Variants in LDLRAD3 observed in about 807,000 individuals in gnomAD.
LDLRAD3 encodes low density lipoprotein receptor class A domain containing 3, also known as low-density lipoprotein receptor class A domain-containing protein 3.
Under a neutral mutation model 29.4 loss-of-function variants are expected in LDLRAD3, and 20 were observed. That is an observed-to-expected ratio of 0.68 (90% CI 0.48 to 0.99). The LOEUF (loss-of-function observed/expected upper bound fraction) is 0.99, where lower values mean the gene tolerates loss of function less well. Ranked by LOEUF, LDLRAD3 falls within the 50% of genes least tolerant of loss-of-function variation. LDLRAD3 has a pLI of 0.00. For synonymous variants in LDLRAD3, 157 were observed against 192.7 expected, an observed-to-expected ratio of 0.81 and a Z score of 1.53; for missense variants, 420 against 454.3, an observed-to-expected ratio of 0.92 and a Z score of 0.69.
At chr11:36,090,251 T>G (rs1853260369) in intron 3 of LDLRAD3, among the ~76,000 whole-genome samples, 1 of 152,156 alleles carries the variant, frequency 6.6e-6, no homozygotes, top group Non-Finnish European at 1.5e-5. Flanking sequence ...CAGTTGATAA[T>G]GAGCAGATGC....
chr11:36,087,242 A>T (rs2133262619), intron 3 of LDLRAD3, among the ~76,000 whole-genome samples: 1 of 152,378 alleles, frequency 6.6e-6, no homozygotes, highest in African/African-American at 2.4e-5. Flanking sequence ...CATACAAATC[A>T]ACTATTAAAA....
intron 4 of LDLRAD3, among the ~76,000 whole-genome samples, chr11:36,206,048 T>C (rs1855203097): frequency 6.6e-6 from 1 of 152,186 alleles, no homozygotes; most frequent in Non-Finnish European, 1.5e-5. Flanking sequence ...CCCTCAACTT[T>C]TGGTCTGGAG....
chr11:36,110,473 C>T (rs1361550567), intron 4 of LDLRAD3, among the ~76,000 whole-genome samples: 1 of 152,128 alleles, frequency 6.6e-6, no homozygotes, highest in Non-Finnish European at 1.5e-5. Flanking sequence ...GTAGGGCTTG[C>T]TGTCTCTCTG....
intron 1 of LDLRAD3, among the ~76,000 whole-genome samples, chr11:35,960,995 G>C (rs1015278223): frequency 6.6e-6 from 1 of 152,204 alleles, no homozygotes; most frequent in Non-Finnish European, 1.5e-5. Flanking sequence ...ATAATGGATG[G>C]GGAACCCCAA....
intron 4 of LDLRAD3, among the ~76,000 whole-genome samples, chr11:36,172,959 G>A (rs918218326): frequency 5.9e-5 from 9 of 152,104 alleles, no homozygotes; most frequent in Non-Finnish European, 1.2e-4. Flanking sequence ...TCCGTGCCTG[G>A]ACTTTTTTGG....
intron 1 of LDLRAD3, among the ~76,000 whole-genome samples, chr11:35,987,288 C>A (rs1317040954): frequency 6.6e-6 from 1 of 152,082 alleles, no homozygotes. Flanking sequence ...ACAGGGGATA[C>A]CTGTGCAGGT....
At chr11:35,961,764 T>G (rs1851280673) in intron 1 of LDLRAD3, among the ~76,000 whole-genome samples, 1 of 152,194 alleles carries the variant, frequency 6.6e-6, no homozygotes, top group African/African-American at 2.4e-5. Flanking sequence ...TTTAAAATTT[T>G]TGTGTGTACA....
intron 2 of LDLRAD3, among the ~76,000 whole-genome samples, chr11:36,055,095 G>A (rs1416202187): frequency 1.1e-4 from 1 of 8,756 alleles, no homozygotes; most frequent in Non-Finnish European, 1.8e-4. Context: ...GGATGGATGT[G>A]TGGATGGATC....
rs573143229 is a variant in LDLRAD3 at position 35,982,712 on chromosome 11, G to T, written c.46+38568G>T. On this transcript the variant is annotated intron_variant, in intron 1 of 5. Transcript: ENST00000315571. ...TTCCTCTCTTCCCATGCATGTTGTTGTGCAGCTTGAAGACAGCTCAGCTCT... is the reference window on the plus strand; with the variant it reads ...TTCCTCTCTTCCCATGCATGTTGTTTTGCAGCTTGAAGACAGCTCAGCTCT... Among the ~76,000 whole-genome samples, 10 of 152,190 alleles carry T rather than the reference G, an allele frequency of 6.6e-5. No homozygotes were observed. The South Asian group carries it at 1.9e-3, about 28-fold the overall frequency.
At chr11:36,212,370 A>AT (rs1225563863) in intron 4 of LDLRAD3, among the ~76,000 whole-genome samples, 11 of 152,036 alleles carry the variant, frequency 7.2e-5, no homozygotes, top group Middle Eastern at 3.2e-3. Flanking sequence ...CCTACCCCTC[A>AT]TTTTCACTGC....
chr11:36,166,269 A>C (rs1259857104), intron 4 of LDLRAD3, among the ~76,000 whole-genome samples: 2 of 152,242 alleles, frequency 1.3e-5, no homozygotes, highest in Non-Finnish European at 2.9e-5. Context: ...CTCCATGTCA[A>C]CATGAGTTAC....
At chr11:36,225,663 G>A (rs1235681553) in intron 4 of LDLRAD3, among the ~76,000 whole-genome samples, 1 of 152,012 alleles carries the variant, frequency 6.6e-6, no homozygotes, top group Non-Finnish European at 1.5e-5. Flanking sequence ...AAACTGTGTG[G>A]CCTTGGTCAG....
At chr11:35,958,526 G>A (rs1590683524) in intron 1 of LDLRAD3, among the ~76,000 whole-genome samples, 1 of 152,160 alleles carries the variant, frequency 6.6e-6, no homozygotes, top group South Asian at 2.1e-4. Flanking sequence ...CAGTCACCTC[G>A]AAGAATTGAC....
intron 1 of LDLRAD3, among the ~76,000 whole-genome samples, chr11:36,011,375 G>A (rs115235255): frequency 6.6e-6 from 1 of 152,098 alleles, no homozygotes; most frequent in Non-Finnish European, 1.5e-5. Flanking sequence ...GATAGGCAGC[G>A]GGTATCTATT....
chr11:36,024,243 A>G (rs1475037721), intron 1 of LDLRAD3, among the ~76,000 whole-genome samples: 2 of 152,208 alleles, frequency 1.3e-5, no homozygotes, highest in African/African-American at 2.4e-5. Flanking sequence ...CCCCAAGTAT[A>G]TACCACCTGC....
Position 36,229,453 on chromosome 11 carries a change from T to A in LDLRAD3, c.*56T>A. 1.6e-6 allele frequency: 2 copies of A among 1,287,456 alleles called. No homozygotes were observed. The highest frequency in any genetic ancestry group is 2.2e-6 in the Non-Finnish European group (2 of 903,226). The allele number at this position is 1,287,456 out of a possible 1,614,324, so 79.8% of individuals were successfully genotyped here. On this transcript the variant is annotated 3_prime_UTR_variant, in exon 6 of 6. Transcript: ENST00000315571. The stretch of plus-strand genomic sequence containing the variant: ...AATCTGCTCTGACTTGTTGCCATTC[T>A]AACAATTTGTGCTCATGGGAAGCTC...
intron 4 of LDLRAD3, among the ~76,000 whole-genome samples, chr11:36,116,708 G>T (rs1853680013): frequency 6.6e-6 from 1 of 151,140 alleles, no homozygotes; most frequent in African/African-American, 2.4e-5. Flanking sequence ...ATAACAACTG[G>T]CACTAGTTTA....
chr11:36,219,586 A>G (rs1306418409), intron 4 of LDLRAD3, among the ~76,000 whole-genome samples: 1 of 152,218 alleles, frequency 6.6e-6, no homozygotes, highest in African/African-American at 2.4e-5. Context: ...TGTTAGAAAA[A>G]TTGGAAAGCT....
At chr11:36,200,908 A>G (rs1418207610) in intron 4 of LDLRAD3, among the ~76,000 whole-genome samples, 1 of 152,198 alleles carries the variant, frequency 6.6e-6, no homozygotes, top group Non-Finnish European at 1.5e-5. Flanking sequence ...CACATGATCA[A>G]TGTCTCCTTC....
Sources: gnomAD v4.1 joint callset for allele counts (sites outside exome capture counted in the v4.1 genomes callset) on GRCh38, gnomAD v4.1.1 for gene constraint, MANE v1.5 for transcripts, NCBI Gene and HGNC (gene_info 2026-07-23, HGNC 2026-07-21) for gene names.